Variants in CIITA observed in about 807,000 individuals in gnomAD.
CIITA encodes the protein class II major histocompatibility complex transactivator, also known as MHC class II transactivator.
Under a neutral mutation model 115.1 loss-of-function variants are expected in CIITA, and 72 were observed. The ratio of observed to expected loss-of-function variants is 0.63; its 90% CI spans 0.52 to 0.76. The LOEUF is 0.76. Among genes scored for constraint, CIITA ranks in the 30% least tolerant of loss-of-function variants. The pLI, the probability that CIITA is intolerant of heterozygous loss-of-function variation, is 0.00. For synonymous variants in CIITA, 763 were observed against 635.6 expected, an observed-to-expected ratio of 1.20 and a Z score of -3.02; for missense variants, 1,617 against 1,463.8, an observed-to-expected ratio of 1.10 and a Z score of -1.71.
At chr16:10,922,116 C>G in intron 16 of CIITA, 51 bp from the exon 17 acceptor site, 1 of 1,528,596 alleles carries the variant, frequency 6.5e-7, no homozygotes, top group Non-Finnish European at 9.1e-7. Flanking sequence ...TTCTGGAAGG[C>G]TGACCATGCA....
downstream of CIITA, chr16:10,939,893 G>A (rs371489530): frequency 6.6e-6 from 1 of 152,268 alleles, no homozygotes; most frequent in African/African-American, 2.4e-5. This position sits in a 1 kb window ranked among gnomAD's most constrained non-coding sequence, Gnocchi z 4.9. Context: ...GGTCTGTCTT[G>A]TTCACTGTGT....
rs1421432255 is a variant in CIITA at position 10,907,273 on chromosome 16, C to G, written c.1781C>G (p.Ala594Gly). The stretch of plus-strand genomic sequence containing the variant: ...GGGATGACAGAGCACCAAGACAGAG[C>G]CCTGACGCTCCTCCGGGACCGGCCA... ...SSGMTEHQDR[A>G]LTLLRDRPLL... is the part of the protein sequence containing the mutation. The change falls in exon 11 of 20, where the codon GCC (alanine) becomes GGC (glycine). Residue 594 changes from alanine to glycine, a missense_variant. By Grantham distance (60) the Ala-to-Gly change is moderately conservative. Transcript: ENST00000324288. This position sits in a 1 kb window ranked among gnomAD's most constrained non-coding sequence, Gnocchi z 5.0. 6.2e-7 allele frequency: 1 copy of G among 1,613,532 alleles called. No individual in the cohort carries two copies.
In CIITA at chr16:10,915,442, G is replaced by T. The variant is rs2039885233; in HGVS notation, c.2889-128G>T. The T allele has an allele frequency of 4.0e-6, 3 of 750,768 alleles. No individual in the cohort carries two copies. In the Admixed American group the frequency reaches 5.8e-5, roughly 14 times the overall value. The allele number at this position is 750,768 out of a possible 1,614,324, so 46.5% of individuals were successfully genotyped here. A position where few individuals can be genotyped will look rare whatever the true frequency, so the allele number is the denominator to read the frequency against. On this transcript the variant is annotated intron_variant, in intron 13 of 19. Transcript: ENST00000324288. ...AGGGTTGCAGGGACCTAAGAGGCTG[G>T]GGTGGAAGGGAAGAGGAGGGGCCTC... is the stretch of plus-strand genomic sequence containing the variant.
At position 10,907,169 on chromosome 16, in the gene CIITA, G is replaced by A. The variant is rs2144717032; in HGVS notation, c.1677G>A (p.Lys559=). The A allele has an allele frequency of 6.2e-7, 1 of 1,613,208 alleles. No individual in the cohort carries two copies. The highest frequency in any genetic ancestry group is 8.5e-7 in the Non-Finnish European group (1 of 1,179,892). The change falls in exon 11 of 20, where the codon AAG becomes AAA. Residue 559 remains lysine (K), a synonymous_variant. Coordinates refer to ENST00000324288, the MANE Select transcript of CIITA (RefSeq NM_000246.4). The surrounding 1 kb of genome is among the most constrained non-coding windows in gnomAD (Gnocchi z 5.0). ...GCCGCCTGGTCCAGAGCCTGAGCAAGGCCGACGCCCTATTTGAGCTGTCCG... is the reference window on the plus strand; with the variant it reads ...GCCGCCTGGTCCAGAGCCTGAGCAAAGCCGACGCCCTATTTGAGCTGTCCG... ...PRGRLVQSLS[K]ADALFELSGF...
rs924677218 is a variant in CIITA, at chr16:10,907,049, G to A, written c.1557G>A (p.Pro519=). 11 of 1,607,346 alleles carry A rather than the reference G, an allele frequency of 6.8e-6. No homozygotes were observed. Among genetic ancestry groups the A allele is most frequent in the Middle Eastern group, 1.7e-4 (1 of 6,058 alleles). ...TGCACAGCACGTGCGGACCGGCACCGGCGGAGCCCTGCTCCCTCCGGGGGC... is the reference window on the plus strand; with the variant it reads ...TGCACAGCACGTGCGGACCGGCACCAGCGGAGCCCTGCTCCCTCCGGGGGC... ...GFLHSTCGPA[P]AEPCSLRGLL... Residue 519 remains proline (P), a synonymous_variant, in exon 11 of 20, where the codon CCG becomes CCA. Transcript: ENST00000324288. The surrounding 1 kb of genome is among the most constrained non-coding windows in gnomAD (Gnocchi z 5.0).
At chr16:10,894,722 C>G (rs1188359731) in intron 1 of CIITA, among the ~76,000 whole-genome samples, 1 of 152,202 alleles carries the variant, frequency 6.6e-6, no homozygotes, top group Non-Finnish European at 1.5e-5. Context: ...CAGAGACTTG[C>G]TCAAGTCCAC....
Position 10,901,772 on chromosome 16 carries a change from T to A in CIITA, c.481+214T>A, listed in dbSNP as rs769633475. 3.0e-6 allele frequency: 2 copies of A among 665,008 alleles called. No individual in the cohort carries two copies. Among genetic ancestry groups the A allele is most frequent in the South Asian group, 3.7e-5 (2 of 54,298 alleles). 41.2% of individuals were successfully genotyped at this position (665,008 alleles called of 1,614,324 possible). ...TGGTAGGGGCTTGGAGCTAACAGAT[T>A]GTTCATAGGTTCTATTCTGCCCCAG... is the stretch of plus-strand genomic sequence containing the variant. On this transcript the variant is annotated intron_variant, in intron 6 of 19. Coordinates refer to ENST00000324288, the MANE Select transcript of CIITA (RefSeq NM_000246.4). This position sits in a 1 kb window ranked among gnomAD's most constrained non-coding sequence, Gnocchi z 6.8.
At chr16:10,892,544 G>C (rs1340525777) in intron 1 of CIITA, among the ~76,000 whole-genome samples, 2 of 152,150 alleles carry the variant, frequency 1.3e-5, no homozygotes, top group African/African-American at 4.8e-5. Flanking sequence ...CATGTGTGGT[G>C]GGTTGAAAGG....
At chr16:10,888,813 C>G (rs2037227853) in intron 1 of CIITA, 1 of 152,240 alleles carries the variant, frequency 6.6e-6, no homozygotes, top group Non-Finnish European at 1.5e-5. Context: ...CACGCCTTCC[C>G]TCGCCGGGGT....
At chr16:10,874,756 C>G (rs1216925234), upstream of CIITA, among the ~76,000 whole-genome samples, 17 of 152,070 alleles carry the variant, frequency 1.1e-4, no homozygotes, top group Admixed American at 1.1e-3. Context: ...CTGCAGTCAC[C>G]CAGGTGAGAG....
At position 10,922,517 on chromosome 16, in the gene CIITA, G is replaced by A. The variant is rs761781915; in HGVS notation, c.3317+27G>A. 3.5e-5 allele frequency: 56 copies of A among 1,611,656 alleles called. No homozygotes were observed. The highest frequency in any genetic ancestry group is 1.7e-4 in the Middle Eastern group (1 of 6,044). ...TAAGTCCAGGCAACCCTGGTGGGTGGAGAACAACTCACTCCCCAGGCGTGT... is the reference window on the plus strand; with the variant it reads ...TAAGTCCAGGCAACCCTGGTGGGTGAAGAACAACTCACTCCCCAGGCGTGT... On this transcript the variant is annotated intron_variant, in intron 18 of 19. Coordinates refer to ENST00000324288, the MANE Select transcript of CIITA (RefSeq NM_000246.4).
At chr16:10,891,195 C>A (rs1418337502) in intron 1 of CIITA, among the ~76,000 whole-genome samples, 7 of 151,954 alleles carry the variant, frequency 4.6e-5, no homozygotes, top group Admixed American at 6.6e-5. Flanking sequence ...TATGCTTGAG[C>A]CCAGACAGGA....
chr16:10,895,469 C>A (rs1002150663), intron 2 of CIITA, 41 bp downstream of exon 2: 2 of 1,610,436 alleles, frequency 1.2e-6, no homozygotes, highest in East Asian at 4.5e-5. Context: ...TATCCCCCAC[C>A]CCTCAGCTTG....
chr16:10,937,986 C>A (rs1322734871), downstream of CIITA: 1 of 152,290 alleles, frequency 6.6e-6, no homozygotes, highest in Non-Finnish European at 1.5e-5. The surrounding 1 kb of genome is among the most constrained non-coding windows in gnomAD (Gnocchi z 4.2). Context: ...CTGTCCTCTT[C>A]TGCTCACAGG....
In CIITA at chr16:10,920,156, G is replaced by T. The variant is rs952413410; in HGVS notation, c.3149+1630G>T. Among the ~76,000 whole-genome samples, 2 of 152,206 alleles carry T rather than the reference G, an allele frequency of 1.3e-5. No individual in the cohort carries two copies. Among genetic ancestry groups the T allele is most frequent in the African/African-American group, 4.8e-5 (2 of 41,454 alleles). ...CAGATCACACAGGGAGGCCCTTGTGGGTCACAAGAGGTATTTGCAGTTTTT... is the reference window on the plus strand; with the variant it reads ...CAGATCACACAGGGAGGCCCTTGTGTGTCACAAGAGGTATTTGCAGTTTTT... On this transcript the variant is annotated intron_variant, in intron 16 of 19. Coordinates refer to ENST00000324288, the MANE Select transcript of CIITA (RefSeq NM_000246.4). This position sits in a 1 kb window ranked among gnomAD's most constrained non-coding sequence, Gnocchi z 4.5.
rs1230896287 is a variant in CIITA at position 10,925,148 on chromosome 16, G to A, written c.*1293G>A. 1 of 152,224 alleles carries A rather than the reference G, an allele frequency of 6.6e-6. No individual in the cohort carries two copies. The highest frequency in any genetic ancestry group is 1.9e-4 in the East Asian group (1 of 5,198). 9.4% of individuals were successfully genotyped at this position (152,224 alleles called of 1,614,324 possible). ...CTGGCTGTTGGCTGGGGGCCTCAGT[G>A]CCACTACGGAATAGTTGGCTAGGAC... On this transcript the variant is annotated 3_prime_UTR_variant, in exon 20 of 20. Coordinates refer to ENST00000324288, the MANE Select transcript of CIITA (RefSeq NM_000246.4).
chr16:10,899,334 A>G (rs1278747261), intron 5 of CIITA, among the ~76,000 whole-genome samples: 2 of 152,136 alleles, frequency 1.3e-5, no homozygotes, highest in Admixed American at 6.5e-5. Flanking sequence ...TGCAGTTGCT[A>G]TAGTCTCTAT....
rs2040575945 is a variant in CIITA at position 10,927,407 on chromosome 16, A to G, written c.*3552A>G. On this transcript the variant is annotated 3_prime_UTR_variant, in exon 20 of 20. Transcript: ENST00000324288. ...TCTGTACCCAGCAAGGCGCCTGTGT[A>G]TAATAGGTGCTCAATAACATAAAAT... 1 of 152,268 alleles carries G rather than the reference A, an allele frequency of 6.6e-6. No individual in the cohort carries two copies. The highest frequency in any genetic ancestry group is 2.1e-4 in the South Asian group (1 of 4,838). The allele number at this position is 152,268 out of a possible 1,614,324, so 9.4% of individuals were successfully genotyped here. A position where few individuals can be genotyped will look rare whatever the true frequency, so the allele number is the denominator to read the frequency against.
rs2040437216 is a variant in CIITA at position 10,924,308 on chromosome 16, A to G, written c.*453A>G. 4 of 152,212 alleles carry G rather than the reference A, an allele frequency of 2.6e-5. No homozygotes were observed. The highest frequency in any genetic ancestry group is 5.9e-5 in the Non-Finnish European group (4 of 68,116). 9.4% of individuals were successfully genotyped at this position (152,212 alleles called of 1,614,324 possible). A position where few individuals can be genotyped will look rare whatever the true frequency, so the allele number is the denominator to read the frequency against. The stretch of plus-strand genomic sequence containing the variant: ...GCGTGCAGTGGTGCGATCTGGGTTC[A>G]CTGCAACCTCCGCCTCTTGGGTTCA... On this transcript the variant is annotated 3_prime_UTR_variant, in exon 20 of 20. Coordinates refer to ENST00000324288, the MANE Select transcript of CIITA (RefSeq NM_000246.4).
Sources: allele counts gnomAD v4.1 joint callset (sites outside exome capture counted in the v4.1 genomes callset), GRCh38; gene constraint gnomAD v4.1.1; non-coding constraint Gnocchi (gnomAD v3.1); transcripts MANE v1.5; gene names NCBI Gene and HGNC (gene_info 2026-07-23, HGNC 2026-07-21).